HECW1: variants seen among roughly 807,000 people sequenced by gnomAD.
HECW1 encodes E3 ubiquitin-protein ligase HECW1.
A neutral mutation model predicts 182.3 loss-of-function variants in HECW1; 61 were observed. The observed-to-expected ratio is 0.33, with a 90% CI of 0.27 to 0.41. The LOEUF (loss-of-function observed/expected upper bound fraction) is 0.41, where lower values mean the gene tolerates loss of function less well. HECW1 is among the 10% of genes least tolerant of loss of function. The pLI is 1.00. For missense variants in HECW1, 1,739 were observed against 2,108.9 expected, an observed-to-expected ratio of 0.82 and a Z score of 3.44; for synonymous variants, 859 against 832.6, an observed-to-expected ratio of 1.03 and a Z score of -0.55.
intron 2 of HECW1, among the ~76,000 whole-genome samples, chr7:43,237,339 A>T (rs1448845083): frequency 6.6e-6 from 1 of 152,174 alleles, no homozygotes; most frequent in Non-Finnish European, 1.5e-5. Flanking sequence ...CGGCTCTTAA[A>T]TGGAATGCTG....
rs559512171 is a variant in HECW1, at chr7:43,398,854, T to C, written c.631+1965T>C. ...GGGGCCAGTTAGTCAGGAGTGCTGA[T>C]TGGTTGGGTTGAAGATGAAATCATA... On this transcript the variant is annotated intron_variant, in intron 7 of 29. Coordinates refer to ENST00000395891, the MANE Select transcript of HECW1 (RefSeq NM_015052.5). Among the ~76,000 whole-genome samples the C allele has an allele frequency of 1.7e-3, 256 of 152,106 alleles. 3 individuals carry two copies. The highest frequency in any genetic ancestry group is 2.3e-3 in the Non-Finnish European group (157 of 67,992).
intron 2 of HECW1, among the ~76,000 whole-genome samples, chr7:43,200,075 T>C (rs1400755205): frequency 6.6e-6 from 1 of 152,198 alleles, no homozygotes; most frequent in Non-Finnish European, 1.5e-5. Context: ...TTTAAGGTCC[T>C]ATTATCTGAC....
chr7:43,546,239 T>G (rs1382555276), intron 26 of HECW1, among the ~76,000 whole-genome samples: 1 of 149,790 alleles, frequency 6.7e-6, no homozygotes, highest in African/African-American at 2.5e-5. Flanking sequence ...TTTTTTTTTT[T>G]TTTGCCATAT....
At chr7:43,558,921 G>A (rs2082119716) in intron 29 of HECW1, among the ~76,000 whole-genome samples, 1 of 152,208 alleles carries the variant, frequency 6.6e-6, no homozygotes, top group Non-Finnish European at 1.5e-5. Flanking sequence ...AATTTAGAAG[G>A]AAAGAGAGCA....
intron 2 of HECW1, among the ~76,000 whole-genome samples, chr7:43,133,396 C>T (rs1787171191): frequency 6.6e-6 from 1 of 151,970 alleles, no homozygotes; most frequent in South Asian, 2.1e-4. Flanking sequence ...TCTCCTTGGG[C>T]TTTATGCCTT....
At chr7:43,295,770 C>A (rs1805972873) in intron 3 of HECW1, among the ~76,000 whole-genome samples, 1 of 152,162 alleles carries the variant, frequency 6.6e-6, no homozygotes, top group Non-Finnish European at 1.5e-5. Flanking sequence ...AGCAATAATT[C>A]CTACATCACT....
chr7:43,188,659 T>C (rs1352834827), intron 2 of HECW1, among the ~76,000 whole-genome samples: 2 of 152,180 alleles, frequency 1.3e-5, no homozygotes, highest in Non-Finnish European at 2.9e-5. Context: ...TTGAGGGCTC[T>C]GAGGAGTTCA....
chr7:43,400,164 G>A (rs2075359976), intron 7 of HECW1, among the ~76,000 whole-genome samples: 1 of 152,216 alleles, frequency 6.6e-6, no homozygotes, highest in African/African-American at 2.4e-5. Flanking sequence ...TGAGCCCAGG[G>A]GTTAGAGGCT....
At chr7:43,560,961 C>T (rs1323438910) in intron 29 of HECW1, among the ~76,000 whole-genome samples, 6 of 152,332 alleles carry the variant, frequency 3.9e-5, no homozygotes, top group East Asian at 1.9e-4. Flanking sequence ...CTCTCTACTA[C>T]GGTACAGGAC....
At chr7:43,268,923 C>T (rs112253916) in intron 3 of HECW1, among the ~76,000 whole-genome samples, 63 of 152,240 alleles carry the variant, frequency 4.1e-4, no homozygotes, top group African/African-American at 1.4e-3. Flanking sequence ...TACCAGTGTG[C>T]GCCACCAACC....
rs558215703 is a variant in HECW1, at chr7:43,366,499, C to G, written c.555+5519C>G. Among the ~76,000 whole-genome samples, 144 of 152,342 alleles carry G rather than the reference C, an allele frequency of 9.5e-4. 1 individual carries two copies. Among genetic ancestry groups the G allele is most frequent in the Middle Eastern group, 3.4e-3 (1 of 294 alleles). ...AGGTTATAAAATGTCCTGGAAAATA[C>G]TTCAACCAAGTTAGTAGCATTAGTA... On this transcript the variant is annotated intron_variant, in intron 6 of 29. Coordinates refer to ENST00000395891, the MANE Select transcript of HECW1 (RefSeq NM_015052.5).
intron 5 of HECW1, among the ~76,000 whole-genome samples, chr7:43,325,199 G>A (rs1420806722): frequency 6.6e-6 from 1 of 152,208 alleles, no homozygotes; most frequent in Non-Finnish European, 1.5e-5. Flanking sequence ...GCTATAACAT[G>A]AGAACTCTAA....
At chr7:43,297,316 G>C (rs1356389421) in intron 3 of HECW1, among the ~76,000 whole-genome samples, 3 of 152,222 alleles carry the variant, frequency 2.0e-5, no homozygotes. Flanking sequence ...ACACTTGTTT[G>C]TTTGTTTATT....
intron 17 of HECW1, among the ~76,000 whole-genome samples, chr7:43,481,767 G>A (rs534016293): frequency 9.9e-5 from 15 of 152,102 alleles, no homozygotes; most frequent in Middle Eastern, 6.8e-3. Flanking sequence ...GGCAGATCAC[G>A]AGGTCAGGAG....
chr7:43,261,433 T>G (rs1178209010), intron 3 of HECW1, among the ~76,000 whole-genome samples: 1 of 152,140 alleles, frequency 6.6e-6, no homozygotes, highest in African/African-American at 2.4e-5. Flanking sequence ...TATTTGCTCT[T>G]TCTCACATGT....
At chr7:43,318,768 G>C (rs2152778847) in intron 4 of HECW1, among the ~76,000 whole-genome samples, 1 of 152,324 alleles carries the variant, frequency 6.6e-6, no homozygotes, top group South Asian at 2.1e-4. Context: ...GAGAGAAAAG[G>C]GCAATCATGA....
Position 43,382,273 on chromosome 7 carries a change from G to C in HECW1, c.556-14541G>C, listed in dbSNP as rs111769093. ...TGCACTCCAGCCTGGGCGACAGAGC[G>C]AGACTCCGTCTCAAAAAAGAAAAAA... On this transcript the variant is annotated intron_variant, in intron 6 of 29. Coordinates refer to ENST00000395891, the MANE Select transcript of HECW1 (RefSeq NM_015052.5). Among the ~76,000 whole-genome samples, 645 of 151,286 alleles carry C rather than the reference G, an allele frequency of 4.3e-3. 5 individuals carry two copies. Among genetic ancestry groups the C allele is most frequent in the East Asian group, 0.02 (101 of 5,124 alleles).
chr7:43,169,018 G>C (rs1413399837), intron 2 of HECW1, among the ~76,000 whole-genome samples: 1 of 152,192 alleles, frequency 6.6e-6, no homozygotes, highest in African/African-American at 2.4e-5. Flanking sequence ...ACTTTTACCT[G>C]TAGTATTTAA....
intron 5 of HECW1, among the ~76,000 whole-genome samples, chr7:43,337,462 C>G (rs1050249258): frequency 6.6e-6 from 1 of 152,118 alleles, no homozygotes; most frequent in Non-Finnish European, 1.5e-5. Context: ...TTGAGAGCCC[C>G]AAGGTGACAT....
Sources: gnomAD v4.1 joint callset for allele counts (sites outside exome capture counted in the v4.1 genomes callset) on GRCh38, gnomAD v4.1.1 for gene constraint, MANE v1.5 for transcripts, NCBI Gene and HGNC (gene_info 2026-07-23, HGNC 2026-07-21) for gene names.